CDH13: variants seen among roughly 807,000 people sequenced by gnomAD.
The protein encoded by CDH13 is cadherin-13.
A neutral mutation model predicts 63.8 loss-of-function variants in CDH13; 24 were observed. That is an observed-to-expected ratio of 0.38 (90% confidence interval 0.27 to 0.53). CDH13 has a LOEUF of 0.53. CDH13 is among the 20% of genes least tolerant of loss of function. CDH13 has a pLI of 0.85. For synonymous variants in CDH13, 503 were observed against 355.3 expected (o/e 1.42, Z -4.67); for missense variants, 1,049 against 903.1 (o/e 1.16, Z -2.07).
intron 6 of CDH13, among the ~76,000 whole-genome samples, chr16:83,462,186 C>T (rs139025422): frequency 6.6e-6 from 1 of 152,264 alleles, no homozygotes; most frequent in Non-Finnish European, 1.5e-5. Context: ...AGCCATGAGC[C>T]CCTGCAGGCA....
chr16:83,342,853 T>TTG (rs2090757758), intron 5 of CDH13, among the ~76,000 whole-genome samples: 1 of 145,256 alleles, frequency 6.9e-6, no homozygotes, highest in Admixed American at 6.9e-5. Flanking sequence ...GTTTTTTTTT[T>TTG]TTTTTTTTTT....
At chr16:83,333,296 G>C (rs2090516790) in intron 5 of CDH13, among the ~76,000 whole-genome samples, 1 of 152,066 alleles carries the variant, frequency 6.6e-6, no homozygotes, top group Non-Finnish European at 1.5e-5. Context: ...AATTTCAAAG[G>C]AATAATGGCT....
intron 1 of CDH13, among the ~76,000 whole-genome samples, chr16:82,692,736 T>G (rs2150979067): frequency 6.6e-6 from 1 of 152,258 alleles, no homozygotes; most frequent in Admixed American, 6.5e-5. Context: ...GTGAATGAAA[T>G]TTATATTCCT....
intron 6 of CDH13, among the ~76,000 whole-genome samples, chr16:83,422,691 C>T (rs536213569): frequency 6.6e-6 from 1 of 152,164 alleles, no homozygotes; most frequent in African/African-American, 2.4e-5. Flanking sequence ...TTGACTTCTC[C>T]TCTGACCTCT....
rs74602626 is a variant in CDH13, at chr16:83,525,701, A to G, written c.960+39046A>G. 5.7e-4 allele frequency among the ~76,000 whole-genome samples: 87 copies of G among 152,278 alleles called. No homozygotes were observed. The East Asian group carries it at 0.014, about 25-fold the overall frequency. On this transcript the variant is annotated intron_variant, in intron 7 of 13. Coordinates refer to ENST00000567109, the MANE Select transcript of CDH13 (RefSeq NM_001257.5). Reference sequence around the variant, plus strand: ...CTACCTGAGGGACATTGCAGATGTGATTAAGGAGTCCTTGAGTCGGGGAGA... The same window carrying G: ...CTACCTGAGGGACATTGCAGATGTGGTTAAGGAGTCCTTGAGTCGGGGAGA...
At chr16:82,667,606 G>C (rs1200866761) in intron 1 of CDH13, among the ~76,000 whole-genome samples, 1 of 152,170 alleles carries the variant, frequency 6.6e-6, no homozygotes, top group Non-Finnish European at 1.5e-5. Context: ...GGAGTTGTCT[G>C]ATGTCACGTT....
intron 8 of CDH13, among the ~76,000 whole-genome samples, chr16:83,613,579 T>C (rs1054392956): frequency 1.6e-4 from 25 of 152,320 alleles, no homozygotes; most frequent in Admixed American, 5.2e-4. Flanking sequence ...ACGCCTGTAA[T>C]ACCAGCACTT....
chr16:83,167,499 C>CAAAAAAAAAAAAAAAA (rs11430454), intron 4 of CDH13, among the ~76,000 whole-genome samples: 10 of 99,550 alleles, frequency 1.0e-4, no homozygotes, highest in African/African-American at 4.0e-4. Flanking sequence ...GACCCTTTCC[C>CAAAAAAAAAAAAAAAA]AAAAAAAAAA....
chr16:83,672,101 G>T (rs930268959), intron 9 of CDH13, among the ~76,000 whole-genome samples: 2 of 152,196 alleles, frequency 1.3e-5, no homozygotes, highest in African/African-American at 4.8e-5. Flanking sequence ...CCCACTCCCT[G>T]TGTGCCCTTG....
chr16:83,356,211 CATGTGTGTGTGT>C (rs772124271), intron 6 of CDH13, among the ~76,000 whole-genome samples: 13 of 60,788 alleles, frequency 2.1e-4, no homozygotes, highest in South Asian at 1.1e-3. Flanking sequence ...TATTTATTTT[CATGTGTGTGTGT>C]GTGTGTGTGT....
intron 3 of CDH13, among the ~76,000 whole-genome samples, chr16:83,123,927 C>A (rs563111930): frequency 6.6e-6 from 1 of 152,218 alleles, no homozygotes; most frequent in East Asian, 1.9e-4. Context: ...ATCGCATTGT[C>A]GTTTCAATTT....
chr16:83,722,855 C>A (rs74416764), intron 10 of CDH13, among the ~76,000 whole-genome samples: 22,753 of 152,214 alleles, frequency 0.15, 1,959 homozygotes, highest in Middle Eastern at 0.26. Flanking sequence ...ATATTTCTCC[C>A]AGTCTTTATC....
chr16:83,795,920 T>TACAG lies in CDH13; in HGVS notation c.*890_*891insACAG, dbSNP rs1292020640. The TACAG allele has an allele frequency of 6.6e-6, 1 of 152,646 alleles. No individual in the cohort carries two copies. Among genetic ancestry groups the TACAG allele is most frequent in the African/African-American group, 2.4e-5 (1 of 41,448 alleles). The allele number at this position is 152,646 out of a possible 1,614,324, so 9.5% of individuals were successfully genotyped here. ...CTCAGTAAATGTACAACTGCACCTG[T>TACAG]CATCATGGAGGTCATACATGCATAC... On this transcript the variant is annotated 3_prime_UTR_variant, in exon 14 of 14. Coordinates refer to ENST00000567109, the MANE Select transcript of CDH13 (RefSeq NM_001257.5).
chr16:83,767,654 A>G (rs1302653620), intron 11 of CDH13, among the ~76,000 whole-genome samples: 1 of 152,258 alleles, frequency 6.6e-6, no homozygotes, highest in Non-Finnish European at 1.5e-5. Context: ...ACAATGGATT[A>G]TTATTCAGCC....
At chr16:83,622,659 C>T (rs17688077) in intron 8 of CDH13, among the ~76,000 whole-genome samples, 15,682 of 152,228 alleles carry the variant, frequency 0.1, 997 homozygotes, top group Non-Finnish European at 0.14. Flanking sequence ...ATTAATGAGG[C>T]TCATTTTTAC....
intron 1 of CDH13, among the ~76,000 whole-genome samples, chr16:82,704,145 T>G (rs970215840): frequency 7.9e-5 from 12 of 151,738 alleles, no homozygotes; most frequent in East Asian, 5.8e-4. Flanking sequence ...CACAGACAAA[T>G]AAAGAAAGAG....
At chr16:83,352,628 C>T (rs903849230) in intron 6 of CDH13, among the ~76,000 whole-genome samples, 8 of 152,322 alleles carry the variant, frequency 5.3e-5, no homozygotes, top group South Asian at 2.1e-4. Flanking sequence ...CGGTGGCTCA[C>T]GCCTATAATC....
chr16:82,974,624 A>G lies in CDH13; in HGVS notation c.158-57386A>G, dbSNP rs1292099291. On this transcript the variant is annotated intron_variant, in intron 2 of 13. Coordinates refer to ENST00000567109, the MANE Select transcript of CDH13 (RefSeq NM_001257.5). ...TTTTGAGATTGAGAGATCATGTTGGACGATGTAAGTGGGCCCAGTATAATC... is the reference window on the plus strand; with the variant it reads ...TTTTGAGATTGAGAGATCATGTTGGGCGATGTAAGTGGGCCCAGTATAATC... Among the ~76,000 whole-genome samples, 3 of 152,276 alleles carry G rather than the reference A, an allele frequency of 2.0e-5. No homozygotes were observed. In the East Asian group the frequency reaches 5.8e-4, roughly 29 times the overall value.
At chr16:83,458,946 G>C (rs577477350) in intron 6 of CDH13, among the ~76,000 whole-genome samples, 1 of 152,338 alleles carries the variant, frequency 6.6e-6, no homozygotes, top group Non-Finnish European at 1.5e-5. Context: ...TTATGCAAAA[G>C]CAGTGTCTAT....
Sources: gnomAD v4.1 joint callset for allele counts (sites outside exome capture counted in the v4.1 genomes callset) on GRCh38, gnomAD v4.1.1 for gene constraint, MANE v1.5 for transcripts, NCBI Gene and HGNC (gene_info 2026-07-23, HGNC 2026-07-21) for gene names.